Variants in DRC11 observed in about 807,000 individuals in gnomAD.
The protein encoded by DRC11 is IQ and AAA domain-containing protein 1.
chr2:236,324,308 A>G, the DRC11 span: 1 of 213,210 alleles, frequency 4.7e-6, no homozygotes, highest in Non-Finnish European at 9.5e-6. The surrounding 1 kb of genome is among the most constrained non-coding windows in gnomAD (Gnocchi z 5.7). Flanking sequence ...TCAAACTAGA[A>G]TATTCTTTAA....
At chr2:236,394,996 T>A in the DRC11 span, among the ~76,000 whole-genome samples, 1 of 152,354 alleles carries the variant, frequency 6.6e-6, no homozygotes, top group South Asian at 2.1e-4. This position sits in a 1 kb window ranked among gnomAD's most constrained non-coding sequence, Gnocchi z 7.0. Context: ...TCAGAATGGC[T>A]AATGTGGGCT....
the DRC11 span, among the ~76,000 whole-genome samples, chr2:236,438,571 A>G: frequency 3.9e-5 from 6 of 152,116 alleles, no homozygotes; most frequent in African/African-American, 9.6e-5. Context: ...CTTCCTACCC[A>G]TGAGCATGGA....
chr2:236,441,422 A>C, the DRC11 span, among the ~76,000 whole-genome samples: 282 of 152,054 alleles, frequency 1.9e-3, no homozygotes, highest in Non-Finnish European at 3.0e-3. Flanking sequence ...TTAAGAATGA[A>C]GACAGAAGCA....
the DRC11 span, among the ~76,000 whole-genome samples, chr2:236,326,519 C>T: frequency 6.6e-6 from 1 of 152,112 alleles, no homozygotes; most frequent in Non-Finnish European, 1.5e-5. Flanking sequence ...TCATTTTATA[C>T]TGATTGCCAT....
the DRC11 span, among the ~76,000 whole-genome samples, chr2:236,385,245 C>T: frequency 1.3e-3 from 194 of 148,960 alleles, no homozygotes; most frequent in African/African-American, 4.7e-3. Flanking sequence ...TGTAAATTAC[C>T]TTGGGCAGTA....
the DRC11 span, among the ~76,000 whole-genome samples, chr2:236,464,314 GTCAGAGCA>G: frequency 6.6e-6 from 1 of 152,166 alleles, no homozygotes; most frequent in Non-Finnish European, 1.5e-5. Flanking sequence ...CACAGTTGGC[GTCAGAGCA>G]TCTTGAGACC....
At chr2:236,374,566 C>T in the DRC11 span, among the ~76,000 whole-genome samples, 1 of 152,118 alleles carries the variant, frequency 6.6e-6, no homozygotes, top group Non-Finnish European at 1.5e-5. Flanking sequence ...TCTGGGGAGG[C>T]CTCAGGAAAC....
chr2:236,347,988 C>T, the DRC11 span, among the ~76,000 whole-genome samples: 2 of 152,274 alleles, frequency 1.3e-5, no homozygotes, highest in South Asian at 4.2e-4. Context: ...GGAGAAACAC[C>T]AAGCCGGGCG....
At chr2:236,398,241 G>A in the DRC11 span, among the ~76,000 whole-genome samples, 2 of 152,148 alleles carry the variant, frequency 1.3e-5, no homozygotes, top group Admixed American at 6.5e-5. The surrounding 1 kb of genome is among the most constrained non-coding windows in gnomAD (Gnocchi z 6.2). Flanking sequence ...CAGTGTCATC[G>A]TGTCCCCCAG....
At chr2:236,399,638 G>C in the DRC11 span, 1 of 671,022 alleles carries the variant, frequency 1.5e-6, no homozygotes, top group Non-Finnish European at 2.7e-6. This position sits in a 1 kb window ranked among gnomAD's most constrained non-coding sequence, Gnocchi z 7.0. Context: ...TAAGTATGGA[G>C]TGCTGTGTCC....
the DRC11 span, among the ~76,000 whole-genome samples, chr2:236,322,809 A>G: frequency 6.6e-6 from 1 of 152,234 alleles, no homozygotes; most frequent in Non-Finnish European, 1.5e-5. Context: ...ATGGAAATGA[A>G]CATTGAATAC....
the DRC11 span, among the ~76,000 whole-genome samples, chr2:236,489,904 AAC>A: frequency 6.6e-6 from 1 of 152,178 alleles, no homozygotes; most frequent in African/African-American, 2.4e-5. Flanking sequence ...TGGCTTGGGC[AAC>A]AGAGTGAGAT....
the DRC11 span, among the ~76,000 whole-genome samples, chr2:236,400,326 CCTG>C: frequency 0.031 from 4,661 of 152,236 alleles, 232 homozygotes; most frequent in East Asian, 0.18. The surrounding 1 kb of genome is among the most constrained non-coding windows in gnomAD (Gnocchi z 7.9). Context: ...ATCCTTGGCT[CCTG>C]CTGCTGACTC....
chr2:236,379,251 G>A, the DRC11 span, among the ~76,000 whole-genome samples: 10 of 151,840 alleles, frequency 6.6e-5, no homozygotes, highest in African/African-American at 1.2e-4. Flanking sequence ...TAAGGGAAGC[G>A]GAGGGAACCC....
At chr2:236,485,905 G>A in the DRC11 span, among the ~76,000 whole-genome samples, 1 of 152,216 alleles carries the variant, frequency 6.6e-6, no homozygotes, top group Non-Finnish European at 1.5e-5. Context: ...GCAGCAGACA[G>A]ACTCTAAGAT....
the DRC11 span, among the ~76,000 whole-genome samples, chr2:236,485,256 A>G: frequency 6.7e-6 from 1 of 149,942 alleles, no homozygotes; most frequent in Non-Finnish European, 1.5e-5. Flanking sequence ...ATATGTATGT[A>G]TATATATATA....
At chr2:236,313,801 G>A in the DRC11 span, among the ~76,000 whole-genome samples, 1 of 152,116 alleles carries the variant, frequency 6.6e-6, no homozygotes, top group South Asian at 2.1e-4. This position sits in a 1 kb window ranked among gnomAD's most constrained non-coding sequence, Gnocchi z 4.5. Flanking sequence ...AGTGAAAAAA[G>A]CCAATCCTAA....
chr2:236,327,590 C>T, the DRC11 span, among the ~76,000 whole-genome samples: 1 of 152,182 alleles, frequency 6.6e-6, no homozygotes, highest in Non-Finnish European at 1.5e-5. Flanking sequence ...TTTCTCTATG[C>T]TGCATTCTAG....
the DRC11 span, among the ~76,000 whole-genome samples, chr2:236,357,336 GAA>G: frequency 2.0e-5 from 2 of 101,684 alleles, no homozygotes; most frequent in Non-Finnish European, 3.6e-5. Context: ...ATTCATATAT[GAA>G]TATATATATT....
Sources: allele counts gnomAD v4.1 joint callset (sites outside exome capture counted in the v4.1 genomes callset), GRCh38; gene constraint gnomAD v4.1.1; non-coding constraint Gnocchi (gnomAD v3.1); transcripts MANE v1.5; gene names NCBI Gene and HGNC (gene_info 2026-07-23, HGNC 2026-07-21).